The following SREBF2 variants were observed in gnomAD, a reference collection of about 807,000 sequenced individuals.
The protein encoded by SREBF2 is sterol regulatory element-binding protein 2.
A neutral mutation model predicts 113.1 loss-of-function variants in SREBF2; 55 were observed. That is an observed-to-expected ratio of 0.49 (90% CI 0.39 to 0.61). SREBF2 has a LOEUF of 0.61. Among genes scored for constraint, SREBF2 ranks in the 20% least tolerant of loss-of-function variants. SREBF2 has a pLI of 0.00. For missense variants in SREBF2, 1,349 were observed against 1,487.4 expected, an observed-to-expected ratio of 0.91 and a Z score of 1.53; for synonymous variants, 593 against 605.7, an observed-to-expected ratio of 0.98 and a Z score of 0.31.
intron 17 of SREBF2, 195 bp from the exon 18 acceptor site, chr22:41,904,668 G>T (rs1443384551): frequency 1.4e-6 from 1 of 712,186 alleles, no homozygotes; most frequent in Non-Finnish European, 2.6e-6. Context: ...TGCTCCTGCT[G>T]TTCAGCCAGG....
chr22:41,857,083 G>A (rs1478211082), intron 1 of SREBF2, among the ~76,000 whole-genome samples: 7 of 133,510 alleles, frequency 5.2e-5, no homozygotes, highest in African/African-American at 8.4e-5. Context: ...AAAAAAAAAA[G>A]AATTTGATTT....
intron 1 of SREBF2, among the ~76,000 whole-genome samples, chr22:41,837,582 G>T (rs1393586200): frequency 7.0e-6 from 1 of 142,814 alleles, no homozygotes; most frequent in Non-Finnish European, 1.5e-5. Flanking sequence ...AAAAATGCTG[G>T]ACACGGTGGC....
chr22:41,873,906 C>G lies in SREBF2; in HGVS notation c.976C>G (p.Pro326Ala), dbSNP rs1439080282. The change falls in exon 5 of 19, where the codon CCC becomes GCC. Residue 326 changes from proline to alanine, a missense_variant. Physicochemically the swap from Pro to Ala is conservative, Grantham distance 27. Around this residue, in one of 2 missense-constraint regions of SREBF2, gnomAD observed 699 missense variants for 843.3 expected, o/e 0.83. Transcript: ENST00000361204. ...VPGGVKQLEP[P>A]KEGERRTTHN... ...TGGGGGAGTCAAGCAGCTTGAGCCC[C>G]CCAAAGAAGGAGAAAGGCGGACAAC... is the stretch of plus-strand genomic sequence containing the variant. The G allele has an allele frequency of 6.2e-7, 1 of 1,613,940 alleles. No homozygotes were observed. Among genetic ancestry groups the G allele is most frequent in the East Asian group, 2.2e-5 (1 of 44,896 alleles).
chr22:41,873,201 A>AAAAATAAAAT (rs905555770), intron 4 of SREBF2, among the ~76,000 whole-genome samples: 1 of 152,184 alleles, frequency 6.6e-6, no homozygotes, highest in Non-Finnish European at 1.5e-5. Flanking sequence ...CCGTCTCAAA[A>AAAAATAAAAT]AAAATAAAAT....
In SREBF2 at chr22:41,880,963, A is replaced by G. The variant is rs1653566582; in HGVS notation, c.2009A>G (p.Tyr670Cys). The change falls in exon 10 of 19, where the codon TAT becomes TGT. Residue 670 changes from tyrosine (Y) to cysteine (C), a missense_variant. Physicochemically the swap from Tyr to Cys is radical, Grantham distance 194 (BLOSUM62 -2). This residue lies in a region of SREBF2 where 650 missense variants were observed against 644.1 expected (regional missense o/e 1.01). Transcript: ENST00000361204. ...AGCGCCCGGGATGCGGCTCTGGCCT[A>G]TCACCGGCTGCACCAGCTGCACATC... ...KTSARDAALAYHRLHQLHITG... is the reference protein window; with the variant it reads ...KTSARDAALACHRLHQLHITG... 4 of 1,609,646 alleles carry G rather than the reference A, an allele frequency of 2.5e-6. No individual in the cohort carries two copies. The highest frequency in any genetic ancestry group is 1.3e-5 in the African/African-American group (1 of 74,912).
chr22:41,857,571 G>A (rs185210362), intron 1 of SREBF2, among the ~76,000 whole-genome samples: 69 of 152,258 alleles, frequency 4.5e-4, no homozygotes, highest in Non-Finnish European at 6.9e-4. Flanking sequence ...TACAAAACAA[G>A]CATTTGAGAA....
rs753022634 is a variant in SREBF2, at chr22:41,881,005, C to T, written c.2038+13C>T. Reference sequence around the variant, plus strand: ...CTGCACATCACAGGTGAGGGGGCAGCTGCTGCTGCCTGGCTTGCTGCAAGG... The same window carrying T: ...CTGCACATCACAGGTGAGGGGGCAGTTGCTGCTGCCTGGCTTGCTGCAAGG... On this transcript the variant is annotated intron_variant, in intron 10 of 18. Coordinates refer to ENST00000361204, the MANE Select transcript of SREBF2 (RefSeq NM_004599.4). 6.2e-7 allele frequency: 1 copy of T among 1,602,476 alleles called. No individual in the cohort carries two copies. Among genetic ancestry groups the T allele is most frequent in the South Asian group, 1.1e-5 (1 of 90,844 alleles).
At chr22:41,903,187 G>C (rs747678481) in intron 17 of SREBF2, 32 bp downstream of exon 17, 1 of 1,545,226 alleles carries the variant, frequency 6.5e-7, no homozygotes, top group Non-Finnish European at 8.7e-7. Context: ...GGGCAGGGCA[G>C]ATTGGAGCCT....
chr22:41,900,594 A>C (rs1203802374), intron 16 of SREBF2, 96 bp downstream of exon 16: 4 of 1,321,586 alleles, frequency 3.0e-6, no homozygotes, highest in South Asian at 1.3e-5. Context: ...GGGTGGGGCC[A>C]TCCGAAAGAC....
chr22:41,837,727 A>G lies in SREBF2; in HGVS notation c.88+4369A>G, dbSNP rs532303661. ...TACAAAATTAGCCGGGCGTCGTGGC[A>G]CATGCCTGTAATCCCAGCTACTCAG... On this transcript the variant is annotated intron_variant, in intron 1 of 18. Transcript: ENST00000361204. 3.8e-4 allele frequency among the ~76,000 whole-genome samples: 58 copies of G among 151,520 alleles called. 2 individuals are homozygous for G. In the South Asian group the frequency reaches 0.011, roughly 29 times the overall value.
intron 2 of SREBF2, among the ~76,000 whole-genome samples, chr22:41,867,779 C>A (rs548164257): frequency 4.6e-5 from 7 of 151,912 alleles, no homozygotes; most frequent in African/African-American, 1.7e-4. Flanking sequence ...TGCACTCCAG[C>A]CTAGGCAACA....
chr22:41,891,027 T>C (rs946706174), intron 11 of SREBF2, among the ~76,000 whole-genome samples: 8 of 152,146 alleles, frequency 5.3e-5, no homozygotes, highest in Non-Finnish European at 2.9e-5. Context: ...CTTCTACTTG[T>C]AACATTTGGG....
At chr22:41,836,286 C>T (rs936567011) in intron 1 of SREBF2, among the ~76,000 whole-genome samples, 2 of 152,174 alleles carry the variant, frequency 1.3e-5, no homozygotes, top group Non-Finnish European at 2.9e-5. Flanking sequence ...TGTAAGGAAT[C>T]GTGAAAGATA....
At chr22:41,901,350 A>C (rs2077464282) in intron 16 of SREBF2, among the ~76,000 whole-genome samples, 1 of 152,158 alleles carries the variant, frequency 6.6e-6, no homozygotes, top group South Asian at 2.1e-4. Flanking sequence ...CCCTACAGGG[A>C]CAGGCAATGT....
At chr22:41,896,310 A>G (rs1244537505) in intron 13 of SREBF2, among the ~76,000 whole-genome samples, 1 of 152,130 alleles carries the variant, frequency 6.6e-6, no homozygotes, top group African/African-American at 2.4e-5. Context: ...GTAAGACCTG[A>G]GAGGCAGATA....
intron 2 of SREBF2, among the ~76,000 whole-genome samples, chr22:41,868,072 G>A (rs2077103040): frequency 6.6e-6 from 1 of 152,202 alleles, no homozygotes; most frequent in Non-Finnish European, 1.5e-5. Context: ...AAAGGGGCCT[G>A]TTCTTTCTGT....
chr22:41,905,435 C>A lies in SREBF2; in HGVS notation c.3206-5C>A. ...TCGGTTGTGACACACATCTCCTTCC[C>A]ACAGGAGAGGTGGATGCCTGGCCCG... On this transcript the variant is annotated splice_region_variant and splice_polypyrimidine_tract_variant and intron_variant, in intron 18 of 18. Coordinates refer to ENST00000361204, the MANE Select transcript of SREBF2 (RefSeq NM_004599.4). 6.4e-7 allele frequency: 1 copy of A among 1,567,712 alleles called. No homozygotes were observed. Among genetic ancestry groups the A allele is most frequent in the South Asian group, 1.2e-5 (1 of 85,598 alleles).
intron 12 of SREBF2, among the ~76,000 whole-genome samples, chr22:41,894,030 C>T (rs73430988): frequency 0.016 from 2,476 of 152,144 alleles, 71 homozygotes; most frequent in African/African-American, 0.058. Flanking sequence ...TATTGCTCAA[C>T]GTGAGAATTG....
At chr22:41,875,896 T>G (rs1392623363) in intron 7 of SREBF2, among the ~76,000 whole-genome samples, 172 bp downstream of exon 7, 1 of 152,190 alleles carries the variant, frequency 6.6e-6, no homozygotes, top group East Asian at 1.9e-4. Context: ...AAGAAAAAAC[T>G]GACTCCGGGG....
Sources: gnomAD v4.1 joint callset for allele counts (sites outside exome capture counted in the v4.1 genomes callset) on GRCh38, gnomAD v4.1.1 for gene constraint, gnomAD v4.1.1 regional missense constraint, MANE v1.5 for transcripts, NCBI Gene and HGNC (gene_info 2026-07-23, HGNC 2026-07-21) for gene names.